MGMT: variants seen among roughly 807,000 people sequenced by gnomAD.
The protein encoded by MGMT is O-6-methylguanine-DNA methyltransferase, also known as methylated-DNA--protein-cysteine methyltransferase.
MGMT carries 14 observed loss-of-function variants against 15.9 expected under a neutral mutation model. The observed-to-expected ratio is 0.88, with a 90% confidence interval of 0.58 to 1.37. MGMT has a LOEUF of 1.37. Ranked by LOEUF, MGMT falls within the 40% of genes most tolerant of loss-of-function variation. The probability of loss-of-function intolerance (pLI) is 0.00; values close to 1 mark genes in which losing one functional copy is unlikely to be tolerated. For missense variants in MGMT, 282 were observed against 268.1 expected (o/e 1.05, Z -0.36); for synonymous variants, 130 against 118.2 (o/e 1.10, Z -0.65).
intron 1 of MGMT, 86 bp downstream of exon 1, chr10:129,467,382 C>G: frequency 7.2e-7 from 1 of 1,393,444 alleles, no homozygotes; most frequent in South Asian, 1.6e-5. Context: ...TGCAGGCGCC[C>G]TCACTTCGCC....
intron 1 of MGMT, among the ~76,000 whole-genome samples, chr10:129,478,179 G>C (rs1307174983): frequency 6.6e-6 from 1 of 151,784 alleles, no homozygotes; most frequent in Non-Finnish European, 1.5e-5. Context: ...GCCAGACTGG[G>C]TTTTTAAAAC....
At chr10:129,616,128 C>T (rs184914540) in intron 2 of MGMT, among the ~76,000 whole-genome samples, 32 of 152,304 alleles carry the variant, frequency 2.1e-4, no homozygotes, top group African/African-American at 7.0e-4. Context: ...AGGGTGTGGG[C>T]ACCACAGGGT....
At chr10:129,482,478 A>G (rs12766142) in intron 1 of MGMT, among the ~76,000 whole-genome samples, 1 of 152,050 alleles carries the variant, frequency 6.6e-6, no homozygotes, top group Admixed American at 6.5e-5. Context: ...TTGTTTCCCT[A>G]TTCTAAAAAT....
At chr10:129,548,742 G>C (rs1348300040) in intron 2 of MGMT, among the ~76,000 whole-genome samples, 1 of 152,022 alleles carries the variant, frequency 6.6e-6, no homozygotes, top group Non-Finnish European at 1.5e-5. Flanking sequence ...TGCAGCTTTC[G>C]GGGGGGTGCT....
At chr10:129,742,727 C>G (rs1462608965) in intron 3 of MGMT, among the ~76,000 whole-genome samples, 1 of 147,546 alleles carries the variant, frequency 6.8e-6, no homozygotes, top group African/African-American at 2.5e-5. Context: ...CAGTGCCCCA[C>G]TACCATAGCA....
intron 2 of MGMT, among the ~76,000 whole-genome samples, chr10:129,670,214 T>C (rs1007981732): frequency 3.3e-5 from 5 of 152,170 alleles, no homozygotes; most frequent in Non-Finnish European, 7.3e-5. Flanking sequence ...GTAGGTAATA[T>C]AGTAACCATA....
Position 129,703,801 on chromosome 10 carries a change from G to A in MGMT, c.126-4094G>A, listed in dbSNP as rs914937776. Among the ~76,000 whole-genome samples the A allele has an allele frequency of 1.1e-4, 16 of 152,284 alleles. No individual in the cohort carries two copies. In the Middle Eastern group the frequency reaches 0.01, roughly 97 times the overall value. The stretch of plus-strand genomic sequence containing the variant: ...TCACCCAGCGCCTCAGCCCCTTCCT[G>A]TCCCATCCCTCGAACCCTGAAGGAG... On this transcript the variant is annotated intron_variant, in intron 2 of 4. Coordinates refer to ENST00000651593, the MANE Select transcript of MGMT (RefSeq NM_002412.5).
At chr10:129,473,926 G>A (rs1845260363) in intron 1 of MGMT, among the ~76,000 whole-genome samples, 1 of 152,184 alleles carries the variant, frequency 6.6e-6, no homozygotes, top group South Asian at 2.1e-4. Context: ...GGCCAGCCAT[G>A]TCCCGGGACT....
rs575507661 is a variant in MGMT, at chr10:129,529,251, G to A, written c.-12-6990G>A. On this transcript the variant is annotated intron_variant, in intron 1 of 4. Transcript: ENST00000651593. Reference sequence around the variant, plus strand: ...AAGGAAGTGTGGGCCTGCCGAATTTGGGACCATTTGGGCTAGGGGGTCCCC... The same window carrying A: ...AAGGAAGTGTGGGCCTGCCGAATTTAGGACCATTTGGGCTAGGGGGTCCCC... 9.0e-4 allele frequency among the ~76,000 whole-genome samples: 137 copies of A among 152,162 alleles called. 1 individual carries two copies. The highest frequency in any genetic ancestry group is 2.3e-3 in the African/African-American group (94 of 41,506).
At chr10:129,646,737 TATATATATATA>T (rs1248650466) in intron 2 of MGMT, among the ~76,000 whole-genome samples, 2 of 105,184 alleles carry the variant, frequency 1.9e-5, no homozygotes, top group Non-Finnish European at 4.1e-5. Context: ...TATATATATA[TATATATATATA>T]TATATATTTT....
chr10:129,530,591 G>GT (rs1421783547), intron 1 of MGMT, among the ~76,000 whole-genome samples: 1 of 152,208 alleles, frequency 6.6e-6, no homozygotes, highest in African/African-American at 2.4e-5. Flanking sequence ...TTCTCAGTGG[G>GT]TTATTTCCAC....
chr10:129,519,651 C>G (rs886179189), intron 1 of MGMT, among the ~76,000 whole-genome samples: 2 of 152,188 alleles, frequency 1.3e-5, no homozygotes, highest in Non-Finnish European at 2.9e-5. Context: ...ATTCGGGACA[C>G]TGAGTCATAA....
chr10:129,531,986 T>G (rs1366241661), intron 1 of MGMT, among the ~76,000 whole-genome samples: 1 of 152,254 alleles, frequency 6.6e-6, no homozygotes, highest in Non-Finnish European at 1.5e-5. Context: ...AGCCAGATTC[T>G]GAACTCATTC....
chr10:129,646,754 A>ATATATATATATATATATTTTTTTT, intron 2 of MGMT, among the ~76,000 whole-genome samples: 6 of 86,662 alleles, frequency 6.9e-5, no homozygotes, highest in Non-Finnish European at 1.5e-4. Context: ...ATATATATAT[A>ATATATATATATATATATTTTTTTT]TTTTCAGGGA....
intron 2 of MGMT, among the ~76,000 whole-genome samples, chr10:129,695,151 T>G (rs895513224): frequency 1.3e-5 from 2 of 152,214 alleles, no homozygotes; most frequent in Non-Finnish European, 2.9e-5. Flanking sequence ...TGATGGATAG[T>G]CAAGATACTT....
chr10:129,699,839 G>A (rs899492121), intron 2 of MGMT, among the ~76,000 whole-genome samples: 3 of 152,030 alleles, frequency 2.0e-5, no homozygotes, highest in African/African-American at 7.3e-5. Context: ...TGTCTTATAT[G>A]ATGTCCTTTT....
At chr10:129,709,967 C>G (rs762531988) in intron 3 of MGMT, among the ~76,000 whole-genome samples, 2 of 152,208 alleles carry the variant, frequency 1.3e-5, no homozygotes, top group Admixed American at 6.5e-5. Flanking sequence ...AGCACTGAAC[C>G]CCCGCTGAGC....
At chr10:129,699,114 A>G (rs1425826810) in intron 2 of MGMT, among the ~76,000 whole-genome samples, 2 of 152,140 alleles carry the variant, frequency 1.3e-5, no homozygotes, top group Non-Finnish European at 2.9e-5. Context: ...GAGACTTTTA[A>G]TGATATGTTA....
At chr10:129,680,137 G>A (rs558506109) in intron 2 of MGMT, among the ~76,000 whole-genome samples, 2 of 152,202 alleles carry the variant, frequency 1.3e-5, no homozygotes, top group South Asian at 2.1e-4. Flanking sequence ...TTGTGACAGC[G>A]ATCACATGCT....
Sources: gnomAD v4.1 joint callset for allele counts (sites outside exome capture counted in the v4.1 genomes callset) on GRCh38, gnomAD v4.1.1 for gene constraint, MANE v1.5 for transcripts, NCBI Gene and HGNC (gene_info 2026-07-23, HGNC 2026-07-21) for gene names.